OR2L13: variants seen among roughly 807,000 people sequenced by gnomAD.
The protein encoded by OR2L13 is olfactory receptor 2L13.
A neutral mutation model predicts 15.3 loss-of-function variants in OR2L13; 14 were observed. The ratio of observed to expected loss-of-function variants is 0.91; its 90% CI spans 0.60 to 1.43. The LOEUF (loss-of-function observed/expected upper bound fraction) is 1.43. Among genes scored for constraint, OR2L13 ranks in the 40% most tolerant of loss-of-function variants. OR2L13 has a pLI of 0.00. For synonymous variants in OR2L13, 152 were observed against 142.9 expected (o/e 1.06, Z -0.45); for missense variants, 367 against 387.9 (o/e 0.95, Z 0.45).
chr1:247,959,804 A>C, the OR2L13 span, among the ~76,000 whole-genome samples: 4 of 152,142 alleles, frequency 2.6e-5, no homozygotes, highest in Non-Finnish European at 5.9e-5. Flanking sequence ...CAGGTCTTTT[A>C]AGGACTTCTC....
chr1:247,993,793 G>GAAAGAA, the OR2L13 span, among the ~76,000 whole-genome samples: 1 of 136,502 alleles, frequency 7.3e-6, no homozygotes, highest in African/African-American at 3.6e-5. Context: ...GAGAGAGAGA[G>GAAAGAA]AGAGAGAGAG....
chr1:248,010,997 A>G, the OR2L13 span, among the ~76,000 whole-genome samples: 1 of 151,840 alleles, frequency 6.6e-6, no homozygotes, highest in Non-Finnish European at 1.5e-5. Flanking sequence ...TGTCATTATG[A>G]TGCTATTTGG....
At chr1:248,087,474 TCAAA>T in the OR2L13 span, 2 of 152,312 alleles carry the variant, frequency 1.3e-5, no homozygotes, top group Non-Finnish European at 2.9e-5. Flanking sequence ...AAAATAATTA[TCAAA>T]CAAATTGACT....
the OR2L13 span, among the ~76,000 whole-genome samples, chr1:248,011,896 A>G: frequency 6.6e-6 from 1 of 152,154 alleles, no homozygotes; most frequent in Non-Finnish European, 1.5e-5. Context: ...CTTTTACAAA[A>G]GACTTGACAT....
upstream of OR2L13, among the ~76,000 whole-genome samples, chr1:248,092,928 A>C (rs1451353931): frequency 6.6e-6 from 1 of 152,138 alleles, no homozygotes; most frequent in African/African-American, 2.4e-5. Context: ...TTTCCTCTAA[A>C]GAATTTATGT....
At chr1:248,042,751 T>C in the OR2L13 span, among the ~76,000 whole-genome samples, 1 of 152,134 alleles carries the variant, frequency 6.6e-6, no homozygotes, top group Non-Finnish European at 1.5e-5. Flanking sequence ...CTTGTCTACA[T>C]TAATATTTTA....
the OR2L13 span, among the ~76,000 whole-genome samples, chr1:247,994,254 G>A: frequency 2.6e-5 from 4 of 152,204 alleles, no homozygotes; most frequent in East Asian, 7.8e-4. Flanking sequence ...AAAATTAGCC[G>A]GGCGTGGTGG....
the OR2L13 span, among the ~76,000 whole-genome samples, chr1:247,940,631 T>C: frequency 2.0e-5 from 3 of 151,982 alleles, no homozygotes; most frequent in African/African-American, 7.3e-5. Context: ...AGCACCTAGG[T>C]TGAATGTATG....
chr1:248,081,285 A>G, the OR2L13 span, among the ~76,000 whole-genome samples: 5 of 152,146 alleles, frequency 3.3e-5, no homozygotes, highest in Non-Finnish European at 7.3e-5. Flanking sequence ...TCAGATAACA[A>G]GTCTGAAATA....
chr1:248,036,408 A>G, the OR2L13 span, among the ~76,000 whole-genome samples: 1 of 152,218 alleles, frequency 6.6e-6, no homozygotes, highest in East Asian at 1.9e-4. Context: ...ATAACATATC[A>G]TAGACATCTT....
the OR2L13 span, among the ~76,000 whole-genome samples, chr1:248,027,679 G>A: frequency 6.6e-6 from 1 of 152,050 alleles, no homozygotes; most frequent in African/African-American, 2.4e-5. Context: ...GATATATTGG[G>A]CCTAAAAATA....
chr1:247,982,866 ATTTTT>A, the OR2L13 span, among the ~76,000 whole-genome samples: 1 of 151,950 alleles, frequency 6.6e-6, no homozygotes, highest in African/African-American at 2.4e-5. Context: ...ATCTATAATG[ATTTTT>A]TTATTTTAAT....
the OR2L13 span, among the ~76,000 whole-genome samples, chr1:247,962,591 G>A: frequency 5.9e-5 from 9 of 152,258 alleles, 1 homozygote; most frequent in African/African-American, 7.2e-5. Flanking sequence ...TTTTACCAGC[G>A]TAAACTTTTT....
At chr1:247,961,843 G>C in the OR2L13 span, among the ~76,000 whole-genome samples, 2 of 151,916 alleles carry the variant, frequency 1.3e-5, no homozygotes, top group Admixed American at 1.3e-4. Context: ...ACACACTTTG[G>C]CAAAGGCCAA....
At chr1:247,940,738 G>GTT in the OR2L13 span, among the ~76,000 whole-genome samples, 1 of 150,554 alleles carries the variant, frequency 6.6e-6, no homozygotes, top group Non-Finnish European at 1.5e-5. Flanking sequence ...GTGCGTGTGT[G>GTT]TGTGTGTGTG....
chr1:248,094,381 A>C (rs1333369482), upstream of OR2L13, among the ~76,000 whole-genome samples: 1 of 152,226 alleles, frequency 6.6e-6, no homozygotes, highest in African/African-American at 2.4e-5. Context: ...TGGATTAAAG[A>C]GGTTAAGAGA....
At chr1:248,065,201 G>A in the OR2L13 span, among the ~76,000 whole-genome samples, 1 of 152,076 alleles carries the variant, frequency 6.6e-6, no homozygotes, top group Non-Finnish European at 1.5e-5. Flanking sequence ...CCATCCAAAT[G>A]TTACGCTGTG....
chr1:247,998,727 T>G, the OR2L13 span, among the ~76,000 whole-genome samples: 2 of 152,272 alleles, frequency 1.3e-5, no homozygotes, highest in South Asian at 4.1e-4. Context: ...AACTGCATGA[T>G]TAGTAGCTGT....
At chr1:248,093,883 AAT>A (rs1218284035), upstream of OR2L13, among the ~76,000 whole-genome samples, 2 of 152,134 alleles carry the variant, frequency 1.3e-5, no homozygotes, top group Non-Finnish European at 2.9e-5. Context: ...AAAAATAATA[AAT>A]ATAGTAGAAT....
Sources: gnomAD v4.1 joint callset for allele counts (sites outside exome capture counted in the v4.1 genomes callset) on GRCh38, gnomAD v4.1.1 for gene constraint, MANE v1.5 for transcripts, NCBI Gene and HGNC (gene_info 2026-07-23, HGNC 2026-07-21) for gene names.